The following NOX5 variants were observed in gnomAD, a reference collection of about 807,000 sequenced individuals.
NOX5 encodes NADPH oxidase 5.
A neutral mutation model predicts 85.7 loss-of-function variants in NOX5; 76 were observed. That is an observed-to-expected ratio of 0.89 (90% CI 0.74 to 1.07). The LOEUF (loss-of-function observed/expected upper bound fraction) is 1.07. Ranked by LOEUF, NOX5 falls within the 50% of genes least tolerant of loss-of-function variation. The probability of loss-of-function intolerance (pLI) is 0.00; values close to 1 mark genes in which losing one functional copy is unlikely to be tolerated. For synonymous variants in NOX5, 405 were observed against 401.4 expected, an observed-to-expected ratio of 1.01 and a Z score of -0.11; for missense variants, 973 against 999.5, an observed-to-expected ratio of 0.97 and a Z score of 0.36.
intron 1 of NOX5, among the ~76,000 whole-genome samples, chr15:69,017,754 ACT>A (rs991589798): frequency 6.6e-6 from 1 of 150,428 alleles, no homozygotes; most frequent in African/African-American, 2.5e-5. Context: ...TTATAGTTTG[ACT>A]CTTTGTTGAT....
At chr15:69,047,945 CCTT>C in intron 13 of NOX5, 34 bp downstream of exon 13, 1 of 1,592,384 alleles carries the variant, frequency 6.3e-7, no homozygotes, top group Non-Finnish European at 8.6e-7. Flanking sequence ...GGCCTCCAGA[CCTT>C]CTCCCCTGGA....
chr15:69,032,886 G>A (rs575222112), intron 4 of NOX5, among the ~76,000 whole-genome samples, 157 bp from the exon 5 acceptor site: 10 of 152,312 alleles, frequency 6.6e-5, no homozygotes, highest in African/African-American at 2.4e-4. Flanking sequence ...CTGTGCGACT[G>A]TGACCAAGCC....
At chr15:69,047,709 C>T in intron 12 of NOX5, 121 bp from the exon 13 acceptor site, 1 of 1,301,348 alleles carries the variant, frequency 7.7e-7, no homozygotes, top group South Asian at 1.4e-5. Flanking sequence ...TCTCATCCCT[C>T]CCCTTCCTCA....
rs1327733814 is a variant in NOX5, at chr15:69,031,828, G to A, written c.620+16G>A. ...TGACCATCAGGTACGGCCGGGTCTC[G>A]GGCATTGGCACTGTCCACGGCGGCG... On this transcript the variant is annotated intron_variant, in intron 4 of 15. Transcript: ENST00000388866. The A allele has an allele frequency of 1.3e-6, 2 of 1,586,482 alleles. No individual in the cohort carries two copies. Among genetic ancestry groups the A allele is most frequent in the Non-Finnish European group, 1.7e-6 (2 of 1,161,676 alleles).
In NOX5 at chr15:69,033,722, C is replaced by T. The variant is rs560410138; in HGVS notation, c.855+445C>T. Among the ~76,000 whole-genome samples the T allele has an allele frequency of 6.5e-5, 7 of 107,360 alleles. No individual in the cohort carries two copies. The South Asian group carries it at 8.9e-4, about 14-fold the overall frequency. The allele number at this position is 107,360 out of a possible 152,430, so 70.4% of individuals were successfully genotyped here. On this transcript the variant is annotated intron_variant, in intron 5 of 15. Transcript: ENST00000388866. ...TTTTCTTTTTTTTTTTTTTTTGAGA[C>T]GGAATTTTGCTCTTGTTGCCCAGCT...
intron 14 of NOX5, among the ~76,000 whole-genome samples, chr15:69,053,811 T>C (rs1193123050): frequency 1.3e-5 from 2 of 152,134 alleles, no homozygotes; most frequent in African/African-American, 4.8e-5. Flanking sequence ...ATGGTGACTC[T>C]GAGGGAGGGT....
Position 69,056,923 on chromosome 15 carries a change from TG to T in NOX5, c.*231del. On this transcript the variant is annotated 3_prime_UTR_variant, in exon 16 of 16. Coordinates refer to ENST00000388866, the MANE Select transcript of NOX5 (RefSeq NM_024505.4). Reference sequence around the variant, plus strand: ...GCCTTGTTCAGTCTGCTGTAGATTCTGGGGTTTCTGTGAAAGTGAGGGAACC... The same window carrying T: ...GCCTTGTTCAGTCTGCTGTAGATTCTGGGTTTCTGTGAAAGTGAGGGAACC... 1 of 401,816 alleles carries T rather than the reference TG, an allele frequency of 2.5e-6. No individual in the cohort carries two copies. The allele number at this position is 401,816 out of a possible 1,614,324, so 24.9% of individuals were successfully genotyped here. A position where few individuals can be genotyped will look rare whatever the true frequency, so the allele number is the denominator to read the frequency against.
chr15:69,033,114 A>G lies in NOX5; in HGVS notation c.692A>G (p.Tyr231Cys). The change falls in exon 5 of 16, where the codon TAC becomes TGC. Residue 231 changes from tyrosine (Y) to cysteine (C), a missense_variant. Tyr to Cys is a radical substitution (Grantham distance 194). Coordinates refer to ENST00000388866, the MANE Select transcript of NOX5 (RefSeq NM_024505.4). The stretch of plus-strand genomic sequence containing the variant: ...CGGCCGCGCCAGCTGACCCGCGCCT[A>G]CTGGCACAACCACCGCAGCCAGCTG... ...PRRPRQLTRA[Y>C]WHNHRSQLFC... is the part of the protein sequence containing the mutation. The G allele has an allele frequency of 1.3e-6, 2 of 1,556,300 alleles. No individual in the cohort carries two copies. Among genetic ancestry groups the G allele is most frequent in the Non-Finnish European group, 1.7e-6 (2 of 1,157,260 alleles).
At chr15:69,046,204 G>A (rs2050671802) in intron 10 of NOX5, 1 of 152,360 alleles carries the variant, frequency 6.6e-6, no homozygotes, top group South Asian at 2.1e-4. Context: ...GACAGAGGAG[G>A]CCTGCTCTCT....
chr15:69,027,981 T>C (rs1040494805), intron 2 of NOX5, among the ~76,000 whole-genome samples: 2 of 152,128 alleles, frequency 1.3e-5, no homozygotes, highest in Admixed American at 1.3e-4. Flanking sequence ...CAAAGTCCAG[T>C]GCCTGAAGGG....
Position 69,059,984 on chromosome 15 carries a change from G to T in NOX5, c.*3288G>T, listed in dbSNP as rs2050857611. The T allele has an allele frequency of 6.6e-6, 1 of 152,220 alleles. No homozygotes were observed. The highest frequency in any genetic ancestry group is 1.5e-5 in the Non-Finnish European group (1 of 68,054). The allele number at this position is 152,220 out of a possible 1,614,324, so 9.4% of individuals were successfully genotyped here. A position where few individuals can be genotyped will look rare whatever the true frequency, so the allele number is the denominator to read the frequency against. The stretch of plus-strand genomic sequence containing the variant: ...AGACCAGATGTCGGTTCCTCCCAGG[G>T]CAAGGGGTTACTTAAATGGAATTAT... On this transcript the variant is annotated 3_prime_UTR_variant, in exon 16 of 16. Transcript: ENST00000388866.
At chr15:69,014,852 TG>T in intron 1 of NOX5, 67 bp downstream of exon 1, 1 of 1,184,434 alleles carries the variant, frequency 8.4e-7, no homozygotes, top group Non-Finnish European at 1.2e-6. Flanking sequence ...TTTGCCTTTG[TG>T]GGATCTACAA....
rs926817680 is a variant in NOX5, at chr15:69,059,255, C to A, written c.*2559C>A. On this transcript the variant is annotated 3_prime_UTR_variant, in exon 16 of 16. Coordinates refer to ENST00000388866, the MANE Select transcript of NOX5 (RefSeq NM_024505.4). ...TCTCTCCAGACAGATTCCAGTTGCC[C>A]ACGAGAGGGCGCTGCAGAATCACGG... 1 of 152,164 alleles carries A rather than the reference C, an allele frequency of 6.6e-6. No homozygotes were observed. The highest frequency in any genetic ancestry group is 2.4e-5 in the African/African-American group (1 of 41,404). The allele number at this position is 152,164 out of a possible 1,614,324, so 9.4% of individuals were successfully genotyped here. A position where few individuals can be genotyped will look rare whatever the true frequency, so the allele number is the denominator to read the frequency against.
At chr15:69,052,519 G>C (rs192525075) in intron 14 of NOX5, among the ~76,000 whole-genome samples, 1 of 152,150 alleles carries the variant, frequency 6.6e-6, no homozygotes, top group Non-Finnish European at 1.5e-5. Context: ...TAAGAGAATT[G>C]GCATAGTGTT....
rs538720961 is a variant in NOX5, at chr15:69,019,530, G to C, written c.50+4745G>C. 5.3e-5 allele frequency among the ~76,000 whole-genome samples: 8 copies of C among 152,328 alleles called. No individual in the cohort carries two copies. The South Asian group carries it at 1.7e-3, about 32-fold the overall frequency. ...TTTCAAAGATTATCACAAGAATGGT[G>C]TATGCTCATGGATACCATCAGATCA... On this transcript the variant is annotated intron_variant, in intron 1 of 15. Transcript: ENST00000388866.
At position 69,049,152 on chromosome 15, in the gene NOX5, C is replaced by A. The variant is rs1005291655; in HGVS notation, c.1999+94C>A. On this transcript the variant is annotated intron_variant, in intron 14 of 15. Transcript: ENST00000388866. The stretch of plus-strand genomic sequence containing the variant: ...ATTTATTGATATGAAACTCACGTAA[C>A]CTAAAATGAACCATTTAACCATTAA... The A allele has an allele frequency of 7.1e-6, 5 of 708,642 alleles. No individual in the cohort carries two copies. The African/African-American group carries it at 7.3e-5, about 10-fold the overall frequency. 43.9% of individuals were successfully genotyped at this position (708,642 alleles called of 1,614,324 possible).
chr15:69,036,982 C>G (rs777990197), intron 7 of NOX5, 46 bp from the exon 8 acceptor site: 5 of 1,520,750 alleles, frequency 3.3e-6, no homozygotes, highest in Middle Eastern at 4.4e-4. Flanking sequence ...GTTCCACCCC[C>G]CAGGCCTTGA....
At chr15:69,043,594 A>T (rs1480051740) in intron 10 of NOX5, 1 of 152,204 alleles carries the variant, frequency 6.6e-6, no homozygotes, top group Non-Finnish European at 1.5e-5. Context: ...CCTTTCCAGG[A>T]CCACACCAGG....
intron 10 of NOX5, among the ~76,000 whole-genome samples, chr15:69,043,942 T>G (rs311932): frequency 0.87 from 131,897 of 152,130 alleles, 58,502 homozygotes; most frequent in Middle Eastern, 0.96. Flanking sequence ...TCCCAGCACT[T>G]TGGGAGGCCG....
Sources: allele counts gnomAD v4.1 joint callset (sites outside exome capture counted in the v4.1 genomes callset), GRCh38; gene constraint gnomAD v4.1.1; transcripts MANE v1.5; gene names NCBI Gene and HGNC (gene_info 2026-07-23, HGNC 2026-07-21).